Variants in TAF4 observed in about 807,000 individuals in gnomAD.
TAF4 encodes transcription initiation factor TFIID subunit 4.
Under a neutral mutation model 90.3 loss-of-function variants are expected in TAF4, and 9 were observed. The observed-to-expected ratio is 0.10, with a 90% CI of 0.06 to 0.17. The LOEUF (loss-of-function observed/expected upper bound fraction) is 0.17. TAF4 is among the 10% of genes least tolerant of loss of function. The pLI is 1.00. For synonymous variants in TAF4, 818 were observed against 638.9 expected, an observed-to-expected ratio of 1.28 and a Z score of -4.23; for missense variants, 1,351 against 1,370.7, an observed-to-expected ratio of 0.99 and a Z score of 0.23.
intron 14 of TAF4, among the ~76,000 whole-genome samples, chr20:61,987,469 A>G (rs569821582): frequency 1.3e-5 from 2 of 152,336 alleles, no homozygotes; most frequent in East Asian, 3.9e-4. Flanking sequence ...ACTCAACAAT[A>G]TCAACAATAA....
intron 1 of TAF4, among the ~76,000 whole-genome samples, chr20:62,059,585 C>T (rs1452270997): frequency 4.6e-5 from 7 of 152,228 alleles, no homozygotes; most frequent in African/African-American, 1.4e-4. Context: ...GCACTCGGCA[C>T]AGAAGGGCCT....
chr20:61,994,393 T>A (rs1431720354), intron 14 of TAF4, among the ~76,000 whole-genome samples: 1 of 152,246 alleles, frequency 6.6e-6, no homozygotes, highest in African/African-American at 2.4e-5. Flanking sequence ...ACTTACTTAT[T>A]TCTGGCCCAG....
At chr20:62,021,004 C>T (rs2055839861) in intron 1 of TAF4, among the ~76,000 whole-genome samples, 1 of 152,182 alleles carries the variant, frequency 6.6e-6, no homozygotes, top group Admixed American at 6.5e-5. Flanking sequence ...GAAAGACCTT[C>T]CCCGTGTTTC....
At chr20:62,064,319 C>A in intron 1 of TAF4, 132 bp downstream of exon 1, 1 of 1,088,864 alleles carries the variant, frequency 9.2e-7, no homozygotes, top group Non-Finnish European at 1.2e-6. Flanking sequence ...GTAGAGACTG[C>A]CCCTCGGCCT....
At chr20:62,038,441 A>G (rs1331887335) in intron 1 of TAF4, among the ~76,000 whole-genome samples, 1 of 152,040 alleles carries the variant, frequency 6.6e-6, no homozygotes, top group Non-Finnish European at 1.5e-5. Flanking sequence ...GATTACAGGT[A>G]TGAGCCACTG....
intron 1 of TAF4, among the ~76,000 whole-genome samples, chr20:62,057,197 T>C (rs1004433824): frequency 5.3e-5 from 8 of 152,186 alleles, no homozygotes; most frequent in African/African-American, 1.7e-4. Context: ...GCCCACAGTG[T>C]CTGCAGCCCC....
chr20:62,012,716 T>TTA, intron 3 of TAF4, 99 bp downstream of exon 3: 1 of 1,118,174 alleles, frequency 8.9e-7, no homozygotes, highest in Non-Finnish European at 1.2e-6. Flanking sequence ...GTATCCAGTT[T>TTA]AAAAAAAAAA....
chr20:61,986,907 C>A (rs1425200304), intron 14 of TAF4, among the ~76,000 whole-genome samples: 5 of 152,264 alleles, frequency 3.3e-5, no homozygotes, highest in African/African-American at 1.2e-4. Context: ...GCCACAGCAG[C>A]CTCCACTGGC....
intron 1 of TAF4, among the ~76,000 whole-genome samples, chr20:62,038,940 C>T (rs922707045): frequency 6.6e-6 from 1 of 152,202 alleles, no homozygotes; most frequent in Non-Finnish European, 1.5e-5. Context: ...GTAATCCCAG[C>T]TACTCGGGAG....
At chr20:61,979,885 G>T (rs1454289030) in intron 14 of TAF4, among the ~76,000 whole-genome samples, 4 of 152,194 alleles carry the variant, frequency 2.6e-5, no homozygotes, top group African/African-American at 9.6e-5. Flanking sequence ...CAGGCGCGAC[G>T]GCCACTCCAG....
intron 1 of TAF4, among the ~76,000 whole-genome samples, chr20:62,041,394 T>C (rs530180517): frequency 4.3e-4 from 66 of 152,068 alleles, no homozygotes; most frequent in Admixed American, 3.9e-4. Flanking sequence ...CTCCTGGCAA[T>C]AACAGACGGC....
At chr20:61,998,316 T>C (rs1568926394) in intron 12 of TAF4, 124 bp from the exon 13 acceptor site, 1 of 1,002,302 alleles carries the variant, frequency 1.0e-6, no homozygotes, top group East Asian at 2.9e-5. Flanking sequence ...CATAGCAAAT[T>C]TGTGAAATGC....
intron 1 of TAF4, among the ~76,000 whole-genome samples, chr20:62,034,242 G>C (rs751543526): frequency 1.3e-5 from 2 of 152,166 alleles, no homozygotes; most frequent in Non-Finnish European, 2.9e-5. Flanking sequence ...TTTAATGGAA[G>C]AGTTGAAGAG....
At chr20:62,050,907 T>C (rs1323414161) in intron 1 of TAF4, among the ~76,000 whole-genome samples, 1 of 151,680 alleles carries the variant, frequency 6.6e-6, no homozygotes, top group Admixed American at 6.5e-5. Context: ...TTTCTGCCAC[T>C]ACCCACGCTG....
chr20:61,989,308 G>GCTCCAGTA (rs1333208338), intron 14 of TAF4, among the ~76,000 whole-genome samples: 2 of 152,136 alleles, frequency 1.3e-5, no homozygotes, highest in African/African-American at 4.8e-5. Context: ...AGGAACCAGG[G>GCTCCAGTA]GAAGCTGCAG....
intron 1 of TAF4, among the ~76,000 whole-genome samples, chr20:62,053,385 TCTCTGCCG>T (rs747663222): frequency 1.3e-5 from 2 of 152,232 alleles, no homozygotes; most frequent in Admixed American, 1.3e-4. Context: ...CCGGCCCAGC[TCTCTGCCG>T]CTCTGGATCC....
Position 61,975,344 on chromosome 20 carries a change from G to T in TAF4, c.*824C>A, listed in dbSNP as rs2055486373. The T allele has an allele frequency of 6.6e-6, 1 of 151,986 alleles. No individual in the cohort carries two copies. The highest frequency in any genetic ancestry group is 2.4e-5 in the African/African-American group (1 of 41,234). The allele number at this position is 151,986 out of a possible 1,614,324, so 9.4% of individuals were successfully genotyped here. The stretch of plus-strand genomic sequence containing the variant: ...TTTTTCAACACTTGATTCACACCGA[G>T]AAACAGTCTTTTGATGATTCTTCTC... On this transcript the variant is annotated 3_prime_UTR_variant, in exon 15 of 15. Transcript: ENST00000252996.
intron 1 of TAF4, among the ~76,000 whole-genome samples, chr20:62,054,476 G>A (rs2056049377): frequency 6.6e-6 from 1 of 152,192 alleles, no homozygotes; most frequent in Non-Finnish European, 1.5e-5. Flanking sequence ...TGCGCTGGAG[G>A]CCAGGAGAGA....
intron 1 of TAF4, among the ~76,000 whole-genome samples, chr20:62,041,689 G>C (rs1399470504): frequency 6.6e-6 from 1 of 151,780 alleles, no homozygotes; most frequent in Non-Finnish European, 1.5e-5. Flanking sequence ...TCACCACTTT[G>C]AGCGGGTGAG....
Sources: allele counts gnomAD v4.1 joint callset (sites outside exome capture counted in the v4.1 genomes callset), GRCh38; gene constraint gnomAD v4.1.1; transcripts MANE v1.5; gene names NCBI Gene and HGNC (gene_info 2026-07-23, HGNC 2026-07-21).